The following TARBP1 variants were observed in gnomAD, a reference collection of about 807,000 sequenced individuals.
TARBP1 encodes tRNA (guanosine(18)-2'-O)-methyltransferase TARBP1.
In TARBP1, 144 loss-of-function variants were observed where a neutral mutation model predicts 178.6. The observed-to-expected ratio is 0.81, with a 90% confidence interval of 0.70 to 0.93. TARBP1 has a LOEUF of 0.93. TARBP1 is among the 40% of genes least tolerant of loss of function. The probability of loss-of-function intolerance (pLI) is 0.00; values close to 1 mark genes in which losing one functional copy is unlikely to be tolerated. For missense variants in TARBP1, 2,067 were observed against 2,011.7 expected, an observed-to-expected ratio of 1.03 and a Z score of -0.53; for synonymous variants, 787 against 781.0, an observed-to-expected ratio of 1.01 and a Z score of -0.13.
At chr1:234,438,385 A>C (rs1185548327) in intron 12 of TARBP1, among the ~76,000 whole-genome samples, 1 of 152,258 alleles carries the variant, frequency 6.6e-6, no homozygotes, top group African/African-American at 2.4e-5. Flanking sequence ...AAAATGCTTT[A>C]GCAAGCAATC....
At chr1:234,475,397 G>T (rs1669481007) in intron 1 of TARBP1, among the ~76,000 whole-genome samples, 1 of 152,218 alleles carries the variant, frequency 6.6e-6, no homozygotes, top group African/African-American at 2.4e-5. Flanking sequence ...CCTTCACTCG[G>T]CACTGACACT....
At chr1:234,476,258 TG>T (rs1669559843) in intron 1 of TARBP1, among the ~76,000 whole-genome samples, 1 of 152,138 alleles carries the variant, frequency 6.6e-6, no homozygotes, top group South Asian at 2.1e-4. Context: ...GAGCATTTGA[TG>T]GAATTATCAG....
At chr1:234,424,025 A>G (rs1191525229) in intron 20 of TARBP1, among the ~76,000 whole-genome samples, 5 of 152,208 alleles carry the variant, frequency 3.3e-5, no homozygotes, top group Non-Finnish European at 5.9e-5. Flanking sequence ...TTCCTCTGGG[A>G]CATCTTCCTT....
intron 20 of TARBP1, among the ~76,000 whole-genome samples, chr1:234,421,708 C>T (rs974940001): frequency 1.3e-5 from 2 of 152,196 alleles, no homozygotes; most frequent in Non-Finnish European, 2.9e-5. Context: ...TGGCTTGTGC[C>T]GCCTAAATTC....
intron 15 of TARBP1, 75 bp downstream of exon 15, chr1:234,430,012 A>G (rs1358064030): frequency 2.2e-6 from 3 of 1,382,828 alleles, no homozygotes; most frequent in South Asian, 2.7e-5. Flanking sequence ...ATAACTTTAT[A>G]AGCAATGTTG....
In TARBP1 at chr1:234,478,430, C is replaced by A; in HGVS notation, c.674G>T (p.Arg225Leu). Residue 225 changes from arginine (R) to leucine (L), a missense_variant, in exon 1 of 30, where the codon CGC becomes CTC. Coordinates refer to ENST00000040877, the MANE Select transcript of TARBP1 (RefSeq NM_005646.4). ...AAPGASLGSG[R>L]VEEKLLVLSA... ...CAGGACCAGCAGCTTCTCCTCTACG[C>A]GGCCGGACCCCAGGGACGCCCCAGG... is the stretch of plus-strand genomic sequence containing the variant. 7.2e-7 allele frequency: 1 copy of A among 1,387,456 alleles called. No individual in the cohort carries two copies. Among genetic ancestry groups the A allele is most frequent in the Non-Finnish European group, 9.4e-7 (1 of 1,066,770 alleles). The allele number at this position is 1,387,456 out of a possible 1,614,324, so 85.9% of individuals were successfully genotyped here. A position where few individuals can be genotyped will look rare whatever the true frequency, so the allele number is the denominator to read the frequency against.
chr1:234,406,625 T>C (rs961217343), intron 23 of TARBP1: 2 of 152,436 alleles, frequency 1.3e-5, no homozygotes, highest in Non-Finnish European at 2.9e-5. Context: ...TACTGAGTAG[T>C]GGCAGGAAAA....
chr1:234,474,744 A>C (rs990205569), intron 1 of TARBP1, among the ~76,000 whole-genome samples: 1 of 152,234 alleles, frequency 6.6e-6, no homozygotes, highest in African/African-American at 2.4e-5. Context: ...CCATCAATGA[A>C]ATATGAGGAC....
chr1:234,457,975 G>A (rs1667449215), intron 8 of TARBP1, among the ~76,000 whole-genome samples: 1 of 151,022 alleles, frequency 6.6e-6, no homozygotes. Flanking sequence ...ACTTAAAATT[G>A]AGGTTACTAT....
intron 9 of TARBP1, among the ~76,000 whole-genome samples, chr1:234,451,909 C>T (rs1359398730): frequency 6.6e-6 from 1 of 152,092 alleles, no homozygotes; most frequent in Non-Finnish European, 1.5e-5. Context: ...TATTGTCTAA[C>T]AGTGAGGTCA....
At chr1:234,458,691 A>G (rs1667540213) in intron 8 of TARBP1, among the ~76,000 whole-genome samples, 1 of 152,212 alleles carries the variant, frequency 6.6e-6, no homozygotes, top group African/African-American at 2.4e-5. Flanking sequence ...CACACCATAT[A>G]TATTCCTTGA....
chr1:234,392,292 T>G lies in TARBP1; in HGVS notation c.4697+124A>C, dbSNP rs59465194. 2.3e-5 allele frequency: 28 copies of G among 1,226,122 alleles called. No individual in the cohort carries two copies. In the African/African-American group the frequency reaches 3.7e-4, roughly 16 times the overall value. 76.0% of individuals were successfully genotyped at this position (1,226,122 alleles called of 1,614,324 possible). A position where few individuals can be genotyped will look rare whatever the true frequency, so the allele number is the denominator to read the frequency against. ...CAGAGGTTGTAGTGAGCCGAGATTGTGCCACTACACTCCAGCCTGGGCTAC... is the reference window on the plus strand; with the variant it reads ...CAGAGGTTGTAGTGAGCCGAGATTGGGCCACTACACTCCAGCCTGGGCTAC... On this transcript the variant is annotated intron_variant, in intron 29 of 29. Transcript: ENST00000040877.
intron 24 of TARBP1, chr1:234,405,485 G>A (rs377617574): frequency 3.6e-4 from 57 of 158,034 alleles, no homozygotes; most frequent in Middle Eastern, 3.2e-3. Context: ...TTTTGTCTGC[G>A]GAATAGGAGA....
In TARBP1 at chr1:234,472,767, G is replaced by A. The variant is rs779272003; in HGVS notation, c.976C>T (p.Leu326=). ...AAAATATAATTTTCCCAAAACTTTA[G>A]AAGCTCATCTTTTTTCCTCTCAGAC... ...WWSERKKDEL[L]KFWENYILIM... Residue 326 remains leucine, a synonymous_variant, in exon 2 of 30, where the codon CTA becomes TTA. Coordinates refer to ENST00000040877, the MANE Select transcript of TARBP1 (RefSeq NM_005646.4). The A allele has an allele frequency of 2.5e-6, 4 of 1,603,836 alleles. No individual in the cohort carries two copies. The highest frequency in any genetic ancestry group is 2.5e-6 in the Non-Finnish European group (3 of 1,177,450).
At chr1:234,433,638 T>A in intron 13 of TARBP1, 67 bp from the exon 14 acceptor site, 1 of 1,465,676 alleles carries the variant, frequency 6.8e-7, no homozygotes, top group Non-Finnish European at 9.2e-7. Context: ...ACTACAAGCC[T>A]TCAGGCAGGA....
At chr1:234,419,517 A>G (rs1255701552) in intron 21 of TARBP1, among the ~76,000 whole-genome samples, 1 of 152,138 alleles carries the variant, frequency 6.6e-6, no homozygotes, top group East Asian at 1.9e-4. Flanking sequence ...ATAAGATATA[A>G]CAGTTTACAA....
intron 9 of TARBP1, among the ~76,000 whole-genome samples, chr1:234,450,947 A>G (rs1319795675): frequency 6.6e-6 from 1 of 152,186 alleles, no homozygotes; most frequent in Non-Finnish European, 1.5e-5. Flanking sequence ...AAAATAACGC[A>G]TTACATAAAA....
At chr1:234,469,741 C>T (rs763504918) in intron 3 of TARBP1, among the ~76,000 whole-genome samples, 3 of 152,238 alleles carry the variant, frequency 2.0e-5, no homozygotes, top group Non-Finnish European at 4.4e-5. Context: ...TTTCATTAAA[C>T]TTAATTTTAT....
rs1388815255 is a variant in TARBP1, at chr1:234,401,226, A to G, written c.4026T>C (p.His1342=). The change falls in exon 25 of 30, where the codon CAT becomes CAC. Residue 1342 remains histidine (H), a synonymous_variant. Coordinates refer to ENST00000040877, the MANE Select transcript of TARBP1 (RefSeq NM_005646.4). ...GTGGGTGAAATGTTGCAAAAAAGAA[A>G]TGCTCCTGAATGCGTTGCCAATTCT... is the stretch of plus-strand genomic sequence containing the variant. ...AKKNWQRIQE[H]FFFATFHPLK... 6.2e-7 allele frequency: 1 copy of G among 1,613,670 alleles called. No individual in the cohort carries two copies. The highest frequency in any genetic ancestry group is 2.2e-5 in the East Asian group (1 of 44,796).
Sources: allele counts gnomAD v4.1 joint callset (sites outside exome capture counted in the v4.1 genomes callset), GRCh38; gene constraint gnomAD v4.1.1; transcripts MANE v1.5; gene names NCBI Gene and HGNC (gene_info 2026-07-23, HGNC 2026-07-21).